Variants in ATP13A4 observed in about 807,000 individuals in gnomAD.
ATP13A4 encodes probable cation-transporting ATPase 13A4.
A neutral mutation model predicts 142.5 loss-of-function variants in ATP13A4; 114 were observed. The observed-to-expected ratio is 0.80, with a 90% CI of 0.69 to 0.93. ATP13A4 has a LOEUF of 0.93. ATP13A4 is among the 40% of genes least tolerant of loss of function. The pLI, the probability that ATP13A4 is intolerant of heterozygous loss-of-function variation, is 0.00. For synonymous variants in ATP13A4, 488 were observed against 514.8 expected, an observed-to-expected ratio of 0.95 and a Z score of 0.70; for missense variants, 1,392 against 1,454.0, an observed-to-expected ratio of 0.96 and a Z score of 0.69.
At position 193,457,328 on chromosome 3, in the gene ATP13A4, A is replaced by G. The variant is rs550677142; in HGVS notation, c.1761+51T>C. On this transcript the variant is annotated intron_variant, in intron 15 of 29. Coordinates refer to ENST00000342695, the MANE Select transcript of ATP13A4 (RefSeq NM_032279.4). The stretch of plus-strand genomic sequence containing the variant: ...CCTTTCAAAAACTGGGGGCCAGAAG[A>G]GTTTCTCTTTGAGTTTGGGTGTTGT... 10 of 1,601,664 alleles carry G rather than the reference A, an allele frequency of 6.2e-6. No homozygotes were observed. The South Asian group carries it at 9.9e-5, about 16-fold the overall frequency.
At chr3:193,484,678 G>A (rs2108659226) in intron 7 of ATP13A4, among the ~76,000 whole-genome samples, 1 of 152,270 alleles carries the variant, frequency 6.6e-6, no homozygotes, top group Admixed American at 6.5e-5. Flanking sequence ...CAAAAAGACA[G>A]GGTGTTCTGC....
intron 1 of ATP13A4, among the ~76,000 whole-genome samples, chr3:193,527,274 C>A (rs760947969): frequency 1.8e-4 from 28 of 152,038 alleles, no homozygotes; most frequent in Non-Finnish European, 3.2e-4. Context: ...TTGTGCAATT[C>A]TTCTGATAGT....
intron 7 of ATP13A4, among the ~76,000 whole-genome samples, chr3:193,486,620 T>C (rs1006576351): frequency 2.0e-5 from 3 of 152,236 alleles, no homozygotes; most frequent in Non-Finnish European, 4.4e-5. Context: ...TTGAGTTTTA[T>C]GTCAAAAGTG....
At chr3:193,506,539 T>G in intron 2 of ATP13A4, among the ~76,000 whole-genome samples, 1 of 152,214 alleles carries the variant, frequency 6.6e-6, no homozygotes, top group Non-Finnish European at 1.5e-5. Context: ...TTTCTGACCC[T>G]GGAAATGCCA....
rs927421003 is a variant in ATP13A4 at position 193,400,631 on chromosome 3, A to T, written c.*2021T>A. Among the ~76,000 whole-genome samples, 4 of 152,230 alleles carry T rather than the reference A, an allele frequency of 2.6e-5. No individual in the cohort carries two copies. Among genetic ancestry groups the T allele is most frequent in the African/African-American group, 9.6e-5 (4 of 41,466 alleles). ...CTCAGAAGATCTGTATTTGAGGCCT[A>T]GATCTGCTCTTGCCATTACTGAATC... is the stretch of plus-strand genomic sequence containing the variant. On this transcript the variant is annotated 3_prime_UTR_variant, in exon 30 of 30. Transcript: ENST00000342695.
At chr3:193,571,095 T>G (rs1431694685) in intron 2 of ATP13A4, among the ~76,000 whole-genome samples, 2 of 151,954 alleles carry the variant, frequency 1.3e-5, no homozygotes, top group African/African-American at 2.4e-5. Flanking sequence ...CTGGCCAACA[T>G]GGCAAAACCC....
chr3:193,575,786 G>A (rs1724378652), intron 2 of ATP13A4, among the ~76,000 whole-genome samples: 1 of 152,162 alleles, frequency 6.6e-6, no homozygotes, highest in African/African-American at 2.4e-5. Flanking sequence ...AATTTAGGTG[G>A]AAGTTTTTTT....
chr3:193,558,792 T>A (rs958423966), upstream of ATP13A4, among the ~76,000 whole-genome samples: 1 of 152,208 alleles, frequency 6.6e-6, no homozygotes, highest in African/African-American at 2.4e-5. Context: ...TTGAGAGGAA[T>A]GTCCAAAAGG....
At chr3:193,481,623 T>G (rs1193002364) in intron 8 of ATP13A4, among the ~76,000 whole-genome samples, 6 of 152,192 alleles carry the variant, frequency 3.9e-5, no homozygotes, top group Admixed American at 2.6e-4. Flanking sequence ...ACAGAACTGT[T>G]TTTAATGTTC....
chr3:193,518,485 T>C (rs1365965249), intron 1 of ATP13A4, among the ~76,000 whole-genome samples: 3 of 152,222 alleles, frequency 2.0e-5, no homozygotes, highest in Non-Finnish European at 4.4e-5. Flanking sequence ...ACACATGATT[T>C]AGTACAGTGG....
intron 13 of ATP13A4, among the ~76,000 whole-genome samples, chr3:193,461,768 A>G (rs1299635035): frequency 6.6e-6 from 1 of 152,246 alleles, no homozygotes; most frequent in African/African-American, 2.4e-5. Flanking sequence ...CAAGTGCATC[A>G]GAGATTTCAT....
At chr3:193,552,005 T>C (rs1248946230) in intron 1 of ATP13A4, among the ~76,000 whole-genome samples, 1 of 152,216 alleles carries the variant, frequency 6.6e-6, no homozygotes, top group Non-Finnish European at 1.5e-5. Context: ...GACAGAGTCT[T>C]GCTCTGTTGC....
intron 26 of ATP13A4, among the ~76,000 whole-genome samples, chr3:193,412,600 T>G (rs1165307608): frequency 6.6e-6 from 1 of 151,360 alleles, no homozygotes; most frequent in Non-Finnish European, 1.5e-5. Context: ...GACCCGTATT[T>G]TGGATACATT....
intron 17 of ATP13A4, 41 bp downstream of exon 17, chr3:193,454,060 C>G: frequency 6.6e-7 from 1 of 1,522,654 alleles, no homozygotes; most frequent in Non-Finnish European, 9.1e-7. Context: ...GTACATCTTT[C>G]CATCAAACCT....
At chr3:193,580,977 T>C (rs1724532797) in intron 2 of ATP13A4, among the ~76,000 whole-genome samples, 1 of 152,228 alleles carries the variant, frequency 6.6e-6, no homozygotes, top group Non-Finnish European at 1.5e-5. Context: ...CATAAGTTTC[T>C]TATACATTTT....
intron 1 of ATP13A4, among the ~76,000 whole-genome samples, chr3:193,517,179 T>C (rs560154504): frequency 6.6e-6 from 1 of 152,346 alleles, no homozygotes; most frequent in African/African-American, 2.4e-5. Flanking sequence ...ATTCTTTTAT[T>C]TCAGTTCAAT....
Position 193,585,430 on chromosome 3 carries a change from TAAC to T in ATP13A4, n.92-3527_92-3525del, listed in dbSNP as rs368723108. On this transcript the variant is annotated intron_variant and non_coding_transcript_variant, in intron 1 of 3. Transcript: ENST00000489140. Reference sequence around the variant, plus strand: ...AGCAAAGCTCTGTCTCAAAAGAAAATAACAACAACAACAACAACAACAAAACAA... The same window carrying T: ...AGCAAAGCTCTGTCTCAAAAGAAAATAACAACAACAACAACAACAAAACAA... Among the ~76,000 whole-genome samples the T allele has an allele frequency of 3.4e-3, 514 of 151,298 alleles. 1 individual carries two copies. The highest frequency in any genetic ancestry group is 7.3e-3 in the African/African-American group (301 of 41,276).
intron 2 of ATP13A4, among the ~76,000 whole-genome samples, chr3:193,573,741 C>G (rs1268836365): frequency 3.3e-5 from 5 of 152,136 alleles, no homozygotes; most frequent in Admixed American, 3.3e-4. Context: ...TATCAAATCC[C>G]AGCTCTTATA....
At chr3:193,432,101 G>T (rs144008768) in intron 25 of ATP13A4, among the ~76,000 whole-genome samples, 285 of 127,926 alleles carry the variant, frequency 2.2e-3, no homozygotes, top group African/African-American at 7.2e-3. Context: ...GCCATCATTG[G>T]GAATGATCTA....
Sources: gnomAD v4.1 joint callset for allele counts (sites outside exome capture counted in the v4.1 genomes callset) on GRCh38, gnomAD v4.1.1 for gene constraint, MANE v1.5 for transcripts, NCBI Gene and HGNC (gene_info 2026-07-23, HGNC 2026-07-21) for gene names.